Variants in MAD1L1 observed in about 807,000 individuals in gnomAD.
MAD1L1 encodes the protein mitotic arrest deficient 1 like 1.
MAD1L1 carries 95 observed loss-of-function variants against 96.9 expected under a neutral mutation model. The observed-to-expected ratio is 0.98, with a 90% CI of 0.83 to 1.16. MAD1L1 has a LOEUF of 1.16. Among genes scored for constraint, MAD1L1 ranks in the 50% most tolerant of loss-of-function variants. MAD1L1 has a pLI of 0.00. For missense variants in MAD1L1, 1,007 were observed against 954.4 expected (o/e 1.06, Z -0.73); for synonymous variants, 473 against 396.6 (o/e 1.19, Z -2.29).
chr7:2,143,590 T>A (rs1426888412), intron 11 of MAD1L1, among the ~76,000 whole-genome samples: 1 of 151,900 alleles, frequency 6.6e-6, no homozygotes, highest in Non-Finnish European at 1.5e-5. Flanking sequence ...GAGTCCCTTA[T>A]GCTTGACAAG....
intron 14 of MAD1L1, 60 bp from the exon 15 acceptor site, chr7:1,980,601 ACCCCAGCCCAGG>A (rs2128483943): frequency 7.1e-7 from 1 of 1,414,200 alleles, no homozygotes; most frequent in South Asian, 1.2e-5. Flanking sequence ...TGTGTGGGGA[ACCCCAGCCCAGG>A]CCCCTGAGAC....
intron 10 of MAD1L1, among the ~76,000 whole-genome samples, chr7:2,203,147 C>T (rs1333128685): frequency 1.3e-5 from 2 of 152,216 alleles, no homozygotes; most frequent in Non-Finnish European, 2.9e-5. Flanking sequence ...TCAGGCACAA[C>T]GGGACAGGCA....
At chr7:2,017,693 G>A (rs1214392769) in intron 12 of MAD1L1, among the ~76,000 whole-genome samples, 2 of 152,194 alleles carry the variant, frequency 1.3e-5, no homozygotes, top group Non-Finnish European at 2.9e-5. Context: ...AGATAATGAC[G>A]CTCATTCCCT....
At chr7:1,867,890 C>T (rs761502101) in intron 18 of MAD1L1, among the ~76,000 whole-genome samples, 8 of 152,226 alleles carry the variant, frequency 5.3e-5, no homozygotes, top group Non-Finnish European at 1.0e-4. Context: ...CAGTCCCTGC[C>T]CAGATGAGAG....
At chr7:1,998,640 G>T (rs1418733305) in intron 14 of MAD1L1, among the ~76,000 whole-genome samples, 7 of 152,186 alleles carry the variant, frequency 4.6e-5, no homozygotes, top group Admixed American at 1.3e-4. Flanking sequence ...CCTCACTGAA[G>T]GGTCCAGAAA....
intron 13 of MAD1L1, among the ~76,000 whole-genome samples, chr7:2,010,590 A>G (rs982779825): frequency 2.0e-5 from 3 of 152,206 alleles, no homozygotes; most frequent in South Asian, 2.1e-4. Flanking sequence ...CAAGACGGCA[A>G]AACTTCACCA....
At chr7:1,977,454 C>T (rs952544053) in intron 15 of MAD1L1, among the ~76,000 whole-genome samples, 2 of 152,244 alleles carry the variant, frequency 1.3e-5, no homozygotes, top group African/African-American at 4.8e-5. Flanking sequence ...TCGCACTGGC[C>T]TGTGAGCACC....
At chr7:1,980,201 G>C (rs1024455995) in intron 15 of MAD1L1, among the ~76,000 whole-genome samples, 1 of 152,264 alleles carries the variant, frequency 6.6e-6, no homozygotes. Flanking sequence ...CCCGCTGGGG[G>C]ACACGCCTGA....
intron 11 of MAD1L1, among the ~76,000 whole-genome samples, chr7:2,147,836 C>T (rs1240305981): frequency 6.6e-6 from 1 of 152,272 alleles, no homozygotes; most frequent in Non-Finnish European, 1.5e-5. Flanking sequence ...CGAATGTTCC[C>T]TTCCGTGTGG....
intron 10 of MAD1L1, among the ~76,000 whole-genome samples, chr7:2,176,843 CAAT>C (rs1422319002): frequency 6.6e-6 from 1 of 152,168 alleles, no homozygotes; most frequent in Non-Finnish European, 1.5e-5. Flanking sequence ...AAATTATCAT[CAAT>C]AATACAAAAT....
Position 2,065,170 on chromosome 7 carries a change from C to G in MAD1L1, c.1218+4024G>C, listed in dbSNP as rs574485032. 1.2e-4 allele frequency among the ~76,000 whole-genome samples: 18 copies of G among 152,346 alleles called. No individual in the cohort carries two copies. The South Asian group carries it at 1.9e-3, about 16-fold the overall frequency. ...GGTCCCCCCTTGTACTTCCTGCATT[C>G]TGCCCCCTATTTAACTGTTTCTTAA... On this transcript the variant is annotated intron_variant, in intron 12 of 18. Coordinates refer to ENST00000265854, the MANE Select transcript of MAD1L1 (RefSeq NM_001013836.2).
chr7:2,066,414 T>C (rs1349846937), intron 12 of MAD1L1, among the ~76,000 whole-genome samples: 2 of 152,198 alleles, frequency 1.3e-5, no homozygotes, highest in Admixed American at 6.5e-5. Context: ...ATCCCTGGCC[T>C]GGGGCTACAC....
chr7:2,085,362 A>G (rs1785861443), intron 11 of MAD1L1, among the ~76,000 whole-genome samples: 1 of 152,180 alleles, frequency 6.6e-6, no homozygotes, highest in Non-Finnish European at 1.5e-5. Flanking sequence ...TCCCCGCCGC[A>G]CAGCCACGCA....
intron 12 of MAD1L1, among the ~76,000 whole-genome samples, chr7:2,051,927 G>C (rs968371404): frequency 2.0e-5 from 3 of 152,170 alleles, no homozygotes; most frequent in Middle Eastern, 6.8e-3. Flanking sequence ...ATTTCACTGG[G>C]AAGTCTTTTG....
chr7:2,014,470 G>T lies in MAD1L1; in HGVS notation c.1359+32C>A, dbSNP rs761984065. 43 of 1,525,432 alleles carry T rather than the reference G, an allele frequency of 2.8e-5. No individual in the cohort carries two copies. In the Admixed American group the frequency reaches 7.6e-4, roughly 27 times the overall value. The allele number at this position is 1,525,432 out of a possible 1,614,324, so 94.5% of individuals were successfully genotyped here. On this transcript the variant is annotated intron_variant, in intron 13 of 18. Coordinates refer to ENST00000265854, the MANE Select transcript of MAD1L1 (RefSeq NM_001013836.2). Reference sequence around the variant, plus strand: ...GCCCACCGGGAAGAAGCCCCACCTGGCGACGTGAGCCCCACGCCCGCGGCC... The same window carrying T: ...GCCCACCGGGAAGAAGCCCCACCTGTCGACGTGAGCCCCACGCCCGCGGCC...
intron 15 of MAD1L1, among the ~76,000 whole-genome samples, chr7:1,976,845 G>A (rs1780667102): frequency 6.6e-6 from 1 of 152,088 alleles, no homozygotes; most frequent in Admixed American, 6.5e-5. Flanking sequence ...GCTAGACACA[G>A]GGTGCTGATT....
intron 16 of MAD1L1, among the ~76,000 whole-genome samples, chr7:1,939,424 G>A (rs564598993): frequency 1.3e-5 from 2 of 152,378 alleles, no homozygotes; most frequent in South Asian, 4.1e-4. Context: ...GCAGCTTGTG[G>A]CTGTGAGCTG....
At chr7:1,831,438 A>C (rs952701011) in intron 18 of MAD1L1, among the ~76,000 whole-genome samples, 3 of 152,124 alleles carry the variant, frequency 2.0e-5, no homozygotes, top group Non-Finnish European at 4.4e-5. Context: ...CTGAGACACG[A>C]CCGTCACAAC....
chr7:2,058,619 A>G, intron 12 of MAD1L1, among the ~76,000 whole-genome samples: 2 of 57,142 alleles, frequency 3.5e-5, no homozygotes, highest in Non-Finnish European at 6.7e-5. Context: ...CTAGAGTGGG[A>G]GTGTGGCCAG....
Sources: allele counts gnomAD v4.1 joint callset (sites outside exome capture counted in the v4.1 genomes callset), GRCh38; gene constraint gnomAD v4.1.1; transcripts MANE v1.5; gene names NCBI Gene and HGNC (gene_info 2026-07-23, HGNC 2026-07-21).